ANKIB1: variants seen among roughly 807,000 people sequenced by gnomAD.
ANKIB1 encodes the protein ankyrin repeat and IBR domain containing 1.
In ANKIB1, 43 loss-of-function variants were observed where a neutral mutation model predicts 122.1. The ratio of observed to expected loss-of-function variants is 0.35; its 90% CI spans 0.28 to 0.45. The LOEUF (loss-of-function observed/expected upper bound fraction) is 0.45, where lower values mean the gene tolerates loss of function less well. Ranked by LOEUF, ANKIB1 falls within the 20% of genes least tolerant of loss-of-function variation. The probability of loss-of-function intolerance (pLI) is 1.00; values close to 1 mark genes in which losing one functional copy is unlikely to be tolerated. For missense variants in ANKIB1, 992 were observed against 1,329.5 expected (o/e 0.75, Z 3.95); for synonymous variants, 390 against 442.0 (o/e 0.88, Z 1.48).
intron 5 of ANKIB1, among the ~76,000 whole-genome samples, chr7:92,328,426 C>CTTTGT (rs931293904): frequency 1.3e-5 from 2 of 151,976 alleles, no homozygotes; most frequent in Admixed American, 1.3e-4. Context: ...TTTCTTGTTT[C>CTTTGT]TTTGTTTTGT....
chr7:92,259,737 C>T (rs1801520825), intron 1 of ANKIB1, among the ~76,000 whole-genome samples: 1 of 152,090 alleles, frequency 6.6e-6, no homozygotes, highest in Non-Finnish European at 1.5e-5. Context: ...AGCAGATTTT[C>T]CCTCACATGC....
intron 3 of ANKIB1, among the ~76,000 whole-genome samples, chr7:92,315,016 G>T (rs1260025737): frequency 6.7e-6 from 1 of 149,862 alleles, no homozygotes; most frequent in African/African-American, 2.5e-5. Flanking sequence ...GGGAAAGAAA[G>T]GTTAAAAAAA....
At chr7:92,250,053 TAGAAAA>T (rs373439999) in intron 1 of ANKIB1, among the ~76,000 whole-genome samples, 46 of 152,312 alleles carry the variant, frequency 3.0e-4, no homozygotes, top group African/African-American at 1.0e-3. Flanking sequence ...TTGCTTTGAA[TAGAAAA>T]ATCCTAATTT....
rs549903262 is a variant in ANKIB1 at position 92,351,478 on chromosome 7, G to A, written c.1230+384G>A. Among the ~76,000 whole-genome samples the A allele has an allele frequency of 1.9e-3, 294 of 152,084 alleles. 1 individual carries two copies. The highest frequency in any genetic ancestry group is 6.7e-3 in the African/African-American group (280 of 41,504). On this transcript the variant is annotated intron_variant, in intron 8 of 19. Coordinates refer to ENST00000265742, the MANE Select transcript of ANKIB1 (RefSeq NM_019004.2). ...TTCATGCTTCTAAATAAAATATTTG[G>A]AAATAAAGATTTCCAACTTGGAAGT...
At position 92,391,317 on chromosome 7, in the gene ANKIB1, C is replaced by G. The variant is rs1324593041; in HGVS notation, c.2204C>G (p.Ala735Gly). Residue 735 changes from alanine to glycine, a missense_variant, in exon 16 of 20, where the codon GCA (alanine) becomes GGA (glycine). Ala to Gly is a moderately conservative substitution (Grantham distance 60). Coordinates refer to ENST00000265742, the MANE Select transcript of ANKIB1 (RefSeq NM_019004.2). ...TCTGTGGCTCGGGGAGTAGCTCCTG[C>G]AGACTCACCAGAAGCTCCAAGGCGC... The part of the protein sequence containing the change: ...LASVARGVAP[A>G]DSPEAPRRSF... 6.2e-7 allele frequency: 1 copy of G among 1,612,550 alleles called. No individual in the cohort carries two copies. The highest frequency in any genetic ancestry group is 8.5e-7 in the Non-Finnish European group (1 of 1,179,154).
At chr7:92,386,871 C>T (rs1033551411) in intron 12 of ANKIB1, among the ~76,000 whole-genome samples, 2 of 151,312 alleles carry the variant, frequency 1.3e-5, no homozygotes, top group Non-Finnish European at 2.9e-5. Flanking sequence ...CTGATATATC[C>T]CAGCCTACCT....
chr7:92,291,883 A>G (rs984279617), intron 1 of ANKIB1, among the ~76,000 whole-genome samples: 1 of 151,908 alleles, frequency 6.6e-6, no homozygotes, highest in African/African-American at 2.4e-5. Flanking sequence ...CCCAGGGTAC[A>G]TTTTTCTTCT....
In ANKIB1 at chr7:92,247,171, A is replaced by T. The variant is rs117704951; in HGVS notation, c.-91+652A>T. On this transcript the variant is annotated intron_variant, in intron 1 of 19. Coordinates refer to ENST00000265742, the MANE Select transcript of ANKIB1 (RefSeq NM_019004.2). Reference sequence around the variant, plus strand: ...CTATTCACACGGAATGGCATATCGAACAATCTTGTATTGGAATGACCATTT... The same window carrying T: ...CTATTCACACGGAATGGCATATCGATCAATCTTGTATTGGAATGACCATTT... 9.5e-3 allele frequency among the ~76,000 whole-genome samples: 1,450 copies of T among 152,334 alleles called. 8 individuals are homozygous for T. The highest frequency in any genetic ancestry group is 0.015 in the Non-Finnish European group (1,027 of 68,030).
At chr7:92,285,160 C>T (rs928613213) in intron 1 of ANKIB1, among the ~76,000 whole-genome samples, 26 of 151,960 alleles carry the variant, frequency 1.7e-4, no homozygotes, top group Middle Eastern at 3.2e-3. Context: ...CTCTGCCTTC[C>T]GGGTTCAAGC....
At chr7:92,324,315 C>A (rs913003156) in intron 4 of ANKIB1, among the ~76,000 whole-genome samples, 3 of 152,194 alleles carry the variant, frequency 2.0e-5, no homozygotes, top group African/African-American at 7.2e-5. Flanking sequence ...CTCACTGGAG[C>A]CTCCACCTCC....
chr7:92,246,206 C>T lies in ANKIB1; in HGVS notation c.-404C>T, dbSNP rs542366240. The T allele has an allele frequency of 7.7e-4, 284 of 368,636 alleles. 1 individual carries two copies. The highest frequency in any genetic ancestry group is 6.2e-3 in the African/African-American group (271 of 43,380). The allele number at this position is 368,636 out of a possible 1,614,324, so 22.8% of individuals were successfully genotyped here. ...CGAGGCGGAGGCAAGAGCCACCGCC[C>T]CCTCTTCCCCTCCCCCGAGTGAGGC... On this transcript the variant is annotated 5_prime_UTR_variant, in exon 1 of 20. Coordinates refer to ENST00000265742, the MANE Select transcript of ANKIB1 (RefSeq NM_019004.2).
intron 6 of ANKIB1, 107 bp from the exon 7 acceptor site, chr7:92,344,871 T>C: frequency 1.2e-6 from 1 of 839,150 alleles, no homozygotes; most frequent in Non-Finnish European, 1.8e-6. Flanking sequence ...TTCAAAAACT[T>C]TTAATTACTG....
At position 92,382,021 on chromosome 7, in the gene ANKIB1, GGCTCAAA is replaced by G. The variant is rs1434310287; in HGVS notation, c.1618-4487_1618-4481del. ...CATCTCATGTGCAGAGACATACATA[GGCTCAAA>G]ATAAAGGGATGGAGAAAGATCTACC... is the stretch of plus-strand genomic sequence containing the variant. On this transcript the variant is annotated intron_variant, in intron 11 of 19. Transcript: ENST00000265742. 2.0e-5 allele frequency among the ~76,000 whole-genome samples: 3 copies of G among 151,812 alleles called. No individual in the cohort carries two copies. The East Asian group carries it at 5.8e-4, about 29-fold the overall frequency.
Position 92,376,979 on chromosome 7 carries a change from T to C in ANKIB1, c.1617+5372T>C, listed in dbSNP as rs149090911. On this transcript the variant is annotated intron_variant, in intron 11 of 19. Coordinates refer to ENST00000265742, the MANE Select transcript of ANKIB1 (RefSeq NM_019004.2). ...TTTCAACATATCAACAATAAGCATG[T>C]TTCATTTTCTTATCATTCATGTGTT... is the stretch of plus-strand genomic sequence containing the variant. Among the ~76,000 whole-genome samples the C allele has an allele frequency of 1.1e-4, 17 of 152,284 alleles. No homozygotes were observed. In the East Asian group the frequency reaches 2.1e-3, roughly 19 times the overall value.
intron 1 of ANKIB1, among the ~76,000 whole-genome samples, chr7:92,285,334 C>G (rs113967798): frequency 6.6e-6 from 1 of 152,114 alleles, no homozygotes; most frequent in African/African-American, 2.4e-5. Flanking sequence ...AAGATTTAAA[C>G]GTAGTTCTTT....
chr7:92,387,737 A>G, intron 12 of ANKIB1, 61 bp from the exon 13 acceptor site: 1 of 1,331,470 alleles, frequency 7.5e-7, no homozygotes. Flanking sequence ...GATTCCCCCA[A>G]AAAACTATTT....
In ANKIB1 at chr7:92,351,085, T is replaced by C. The variant is rs1803652713; in HGVS notation, c.1221T>C (p.Phe407=). Residue 407 remains phenylalanine, a synonymous_variant, in exon 8 of 20, where the codon TTT becomes TTC. Coordinates refer to ENST00000265742, the MANE Select transcript of ANKIB1 (RefSeq NM_019004.2). ...AGATGGACAAACGATACCTACAGTT[T>C]GATATTAAGGTAAGGTATACTGCCA... is the stretch of plus-strand genomic sequence containing the variant. ...SKEMDKRYLQ[F]DIKAFVENNP... 6 of 1,564,972 alleles carry C rather than the reference T, an allele frequency of 3.8e-6. No individual in the cohort carries two copies. Among genetic ancestry groups the C allele is most frequent in the South Asian group, 3.6e-5 (3 of 83,370 alleles).
intron 1 of ANKIB1, among the ~76,000 whole-genome samples, chr7:92,274,818 A>G (rs1801867983): frequency 6.6e-6 from 1 of 152,122 alleles, no homozygotes; most frequent in Admixed American, 6.5e-5. Context: ...AATTATCTAC[A>G]TGGGAGGCTG....
intron 9 of ANKIB1, among the ~76,000 whole-genome samples, chr7:92,358,443 G>T (rs1439031453): frequency 6.6e-6 from 1 of 152,060 alleles, no homozygotes; most frequent in Admixed American, 6.6e-5. Context: ...CTCCTGTGAG[G>T]TTCTGGAAAA....
Sources: allele counts gnomAD v4.1 joint callset (sites outside exome capture counted in the v4.1 genomes callset), GRCh38; gene constraint gnomAD v4.1.1; transcripts MANE v1.5; gene names NCBI Gene and HGNC (gene_info 2026-07-23, HGNC 2026-07-21).